PRKAR2B: variants seen among roughly 807,000 people sequenced by gnomAD.
PRKAR2B encodes protein kinase cAMP-dependent type II regulatory subunit beta.
Under a neutral mutation model 49.9 loss-of-function variants are expected in PRKAR2B, and 14 were observed. The ratio of observed to expected loss-of-function variants is 0.28; its 90% confidence interval spans 0.19 to 0.44. The LOEUF is 0.44. PRKAR2B is among the 20% of genes least tolerant of loss of function. PRKAR2B has a pLI of 1.00. For missense variants in PRKAR2B, 393 were observed against 537.9 expected (o/e 0.73, Z 2.67); for synonymous variants, 196 against 197.7 (o/e 0.99, Z 0.07).
intron 5 of PRKAR2B, among the ~76,000 whole-genome samples, chr7:107,143,631 C>T (rs984999372): frequency 6.6e-6 from 1 of 152,158 alleles, no homozygotes; most frequent in Non-Finnish European, 1.5e-5. Flanking sequence ...TTATTGGTAG[C>T]ATATAAATTC....
At chr7:107,099,824 CG>C (rs1340893029) in intron 2 of PRKAR2B, among the ~76,000 whole-genome samples, 1 of 151,700 alleles carries the variant, frequency 6.6e-6, no homozygotes, top group Non-Finnish European at 1.5e-5. Flanking sequence ...TTAGTAGAGA[CG>C]GGGTTTCACC....
At chr7:107,137,505 A>G (rs1369020964) in intron 4 of PRKAR2B, among the ~76,000 whole-genome samples, 1 of 152,184 alleles carries the variant, frequency 6.6e-6, no homozygotes, top group Non-Finnish European at 1.5e-5. Flanking sequence ...GTCTTCTGCT[A>G]TTGTGATGCA....
At chr7:107,124,728 G>A (rs1357741331) in intron 3 of PRKAR2B, among the ~76,000 whole-genome samples, 2 of 151,966 alleles carry the variant, frequency 1.3e-5, no homozygotes. Flanking sequence ...CCGATATACA[G>A]TGTTCTTTAA....
chr7:107,093,250 T>C (rs1425624030), intron 2 of PRKAR2B, among the ~76,000 whole-genome samples: 4 of 152,228 alleles, frequency 2.6e-5, no homozygotes, highest in Non-Finnish European at 5.9e-5. Flanking sequence ...AGTGGACTTG[T>C]TGAATCATGT....
intron 2 of PRKAR2B, among the ~76,000 whole-genome samples, chr7:107,104,489 G>C (rs1190119499): frequency 1.3e-5 from 2 of 152,100 alleles, no homozygotes; most frequent in Non-Finnish European, 2.9e-5. Context: ...GCCTCGTTGG[G>C]GGGGTATACT....
At chr7:107,136,512 C>A (rs1475384790) in intron 4 of PRKAR2B, among the ~76,000 whole-genome samples, 2 of 152,198 alleles carry the variant, frequency 1.3e-5, no homozygotes, top group Middle Eastern at 3.4e-3. Context: ...TTAACAGACA[C>A]CTCACTGAAG....
In PRKAR2B at chr7:107,044,784, GCGCCGCGCT is replaced by G; in HGVS notation, c.-120_-112del. 1.7e-6 allele frequency: 1 copy of G among 591,472 alleles called. No homozygotes were observed. The highest frequency in any genetic ancestry group is 2.2e-6 in the Non-Finnish European group (1 of 450,694). 36.6% of individuals were successfully genotyped at this position (591,472 alleles called of 1,614,324 possible). On this transcript the variant is annotated 5_prime_UTR_variant, in exon 1 of 11. Coordinates refer to ENST00000265717, the MANE Select transcript of PRKAR2B (RefSeq NM_002736.3). ...GCCAGCCGGGCCGCCGGGGCCCAGT[GCGCCGCGCT>G]CGCAGCCGGTAGCGCGCCAGCGCCG...
At position 107,157,444 on chromosome 7, in the gene PRKAR2B, A is replaced by G. The variant is rs540270919; in HGVS notation, c.1123+120A>G. 26 of 1,313,922 alleles carry G rather than the reference A, an allele frequency of 2.0e-5. No individual in the cohort carries two copies. The East Asian group carries it at 2.9e-4, about 14-fold the overall frequency. The allele number at this position is 1,313,922 out of a possible 1,614,324, so 81.4% of individuals were successfully genotyped here. ...GGTTTTGTGGTCCCCACAAAAGGTA[A>G]CAAGATTAGGACTCATTGCCTTATA... On this transcript the variant is annotated intron_variant, in intron 10 of 10. Transcript: ENST00000265717.
Position 107,153,168 on chromosome 7 carries a change from T to C in PRKAR2B, c.844-9T>C, listed in dbSNP as rs745596108. On this transcript the variant is annotated splice_polypyrimidine_tract_variant and intron_variant, in intron 7 of 10. Coordinates refer to ENST00000265717, the MANE Select transcript of PRKAR2B (RefSeq NM_002736.3). ...GTTTCTATTTAATATTGTTTTTCTTTCTTTGTAGTTTTCTGAACGCCTGAA... is the reference window on the plus strand; with the variant it reads ...GTTTCTATTTAATATTGTTTTTCTTCCTTTGTAGTTTTCTGAACGCCTGAA... The C allele has an allele frequency of 3.8e-6, 6 of 1,599,998 alleles. No individual in the cohort carries two copies. The highest frequency in any genetic ancestry group is 8.5e-7 in the Non-Finnish European group (1 of 1,172,872).
chr7:107,117,227 G>T (rs1037210048), intron 2 of PRKAR2B, among the ~76,000 whole-genome samples: 1 of 151,874 alleles, frequency 6.6e-6, no homozygotes, highest in Non-Finnish European at 1.5e-5. Context: ...TTTGAAAAAG[G>T]TAATTTTTTT....
chr7:107,097,386 A>T lies in PRKAR2B; in HGVS notation c.344-24566A>T, dbSNP rs116106531. Among the ~76,000 whole-genome samples, 2 of 151,540 alleles carry T rather than the reference A, an allele frequency of 1.3e-5. 1 individual carries two copies. Among genetic ancestry groups the T allele is most frequent in the Admixed American group, 1.3e-4 (2 of 15,196 alleles). On this transcript the variant is annotated intron_variant, in intron 2 of 10. Coordinates refer to ENST00000265717, the MANE Select transcript of PRKAR2B (RefSeq NM_002736.3). ...GTAGATCTTCCTCCATCCCTTTATT[A>T]TGAAGCTATGTGTATCTCTGCACGT...
In PRKAR2B at chr7:107,146,340, G is replaced by C; in HGVS notation, c.620G>C (p.Gly207Ala). Residue 207 changes from glycine (G) to alanine (A), a missense_variant, in exon 6 of 11, where the codon GGT becomes GCT. This residue lies in a region of PRKAR2B where 233 missense variants were observed against 390.4 expected (regional missense o/e 0.60). Coordinates refer to ENST00000265717, the MANE Select transcript of PRKAR2B (RefSeq NM_002736.3). ...TTTGATATTTATGTGAAATGTGATG[G>C]TGTTGGAAGATGTGTTGGTAACTAT... ...GTFDIYVKCD[G>A]VGRCVGNYDN... 5.0e-6 allele frequency: 8 copies of C among 1,614,166 alleles called. No individual in the cohort carries two copies. Among genetic ancestry groups the C allele is most frequent in the Non-Finnish European group, 5.9e-6 (7 of 1,180,010 alleles).
intron 2 of PRKAR2B, among the ~76,000 whole-genome samples, chr7:107,104,619 A>G (rs1406940848): frequency 6.6e-6 from 1 of 152,178 alleles, no homozygotes; most frequent in Non-Finnish European, 1.5e-5. Flanking sequence ...CCATTTATTA[A>G]GCTGTAGTTA....
At chr7:107,053,994 A>G (rs1247497671) in intron 1 of PRKAR2B, among the ~76,000 whole-genome samples, 1 of 152,226 alleles carries the variant, frequency 6.6e-6, no homozygotes, top group African/African-American at 2.4e-5. Flanking sequence ...TACCTATTAA[A>G]TAAGTGTAAA....
At chr7:107,144,199 C>T (rs936389562) in intron 5 of PRKAR2B, among the ~76,000 whole-genome samples, 2 of 151,806 alleles carry the variant, frequency 1.3e-5, no homozygotes, top group Admixed American at 6.6e-5. Context: ...GATTCTTCTT[C>T]CTCAACCTCC....
At chr7:107,051,188 T>A (rs2237648) in intron 1 of PRKAR2B, among the ~76,000 whole-genome samples, 40,289 of 152,180 alleles carry the variant, frequency 0.26, 6,567 homozygotes, top group South Asian at 0.42. Context: ...TTAACTTACA[T>A]CATATGAATT....
chr7:107,079,252 A>G (rs992389373), intron 2 of PRKAR2B, among the ~76,000 whole-genome samples: 4 of 152,176 alleles, frequency 2.6e-5, no homozygotes, highest in East Asian at 1.9e-4. Context: ...TTTGAGAAAT[A>G]TAAATTTGCC....
chr7:107,107,514 C>A (rs1318931858), intron 2 of PRKAR2B, among the ~76,000 whole-genome samples: 1 of 151,978 alleles, frequency 6.6e-6, no homozygotes, highest in Non-Finnish European at 1.5e-5. Flanking sequence ...CCGTTGTCCC[C>A]CTAACAGGGA....
chr7:107,066,301 G>GGGGGGGTGTGTGGGTGTGTGTGTGT (rs147673007), intron 1 of PRKAR2B, among the ~76,000 whole-genome samples: 1 of 145,512 alleles, frequency 6.9e-6, no homozygotes, highest in Non-Finnish European at 1.5e-5. Flanking sequence ...CTCTATGTGG[G>GGGGGGGTGTGTGGGTGTGTGTGTGT]GTGTGTGTGT....
Sources: allele counts gnomAD v4.1 joint callset (sites outside exome capture counted in the v4.1 genomes callset), GRCh38; gene constraint gnomAD v4.1.1; regional missense constraint gnomAD v4.1.1; transcripts MANE v1.5; gene names NCBI Gene and HGNC (gene_info 2026-07-23, HGNC 2026-07-21).